The following TET3 variants were observed in gnomAD, a reference collection of about 807,000 sequenced individuals.
TET3 encodes the protein tet methylcytosine dioxygenase 3.
In TET3, 19 loss-of-function variants were observed where a neutral mutation model predicts 141.4. The observed-to-expected ratio is 0.13, with a 90% CI of 0.09 to 0.20. TET3 has a LOEUF of 0.20. Among genes scored for constraint, TET3 ranks in the 10% least tolerant of loss-of-function variants. The pLI, the probability that TET3 is intolerant of heterozygous loss-of-function variation, is 1.00. For synonymous variants in TET3, 1,043 were observed against 980.9 expected, an observed-to-expected ratio of 1.06 and a Z score of -1.18; for missense variants, 1,874 against 2,356.9, an observed-to-expected ratio of 0.80 and a Z score of 4.24.
downstream of TET3, among the ~76,000 whole-genome samples, chr2:74,112,139 C>G (rs542803881): frequency 3.9e-5 from 6 of 152,282 alleles, no homozygotes; most frequent in South Asian, 1.3e-3. Context: ...CCTCGATACT[C>G]CCCATTTGAT....
intron 4 of TET3, among the ~76,000 whole-genome samples, chr2:74,056,553 C>G (rs1439399174): frequency 6.6e-6 from 1 of 152,022 alleles, no homozygotes; most frequent in Non-Finnish European, 1.5e-5. Context: ...AAAAAAAGAA[C>G]CACCTTCACT....
chr2:73,988,909 T>A (rs1684178648), intron 2 of TET3, among the ~76,000 whole-genome samples: 1 of 145,634 alleles, frequency 6.9e-6, no homozygotes, highest in Non-Finnish European at 1.5e-5. Context: ...TAATAGAAAT[T>A]AGACCTTTTT....
the TET3 span, among the ~76,000 whole-genome samples, chr2:74,133,255 C>A: frequency 6.6e-6 from 1 of 152,094 alleles, no homozygotes; most frequent in Non-Finnish European, 1.5e-5. Context: ...AAGTGAGAGT[C>A]CCCCGTGTTC....
rs1025529920 is a variant in TET3 at position 74,102,009 on chromosome 2, G to A, written c.5221G>A (p.Gly1741Arg). The change falls in exon 12 of 12, where the codon GGG becomes AGG. Residue 1741 changes from glycine to arginine, a missense_variant. Around this residue, in one of 10 missense-constraint regions of TET3, gnomAD observed 113 missense variants for 114.3 expected, o/e 0.99. Transcript: ENST00000409262. ...GLGQQEAKLY[G>R]KKRKWGGTVV... ...GGGCCAGCAGGAGGCCAAGCTCTACGGGAAGAAGCGCAAGTGGGGGGGCAC... is the reference window on the plus strand; with the variant it reads ...GGGCCAGCAGGAGGCCAAGCTCTACAGGAAGAAGCGCAAGTGGGGGGGCAC... 21 of 1,587,178 alleles carry A rather than the reference G, an allele frequency of 1.3e-5. No individual in the cohort carries two copies. Among genetic ancestry groups the A allele is most frequent in the Non-Finnish European group, 1.6e-5 (19 of 1,164,658 alleles).
intron 5 of TET3, among the ~76,000 whole-genome samples, chr2:74,075,372 A>G (rs1357824087): frequency 8.4e-6 from 1 of 119,094 alleles, no homozygotes; most frequent in Non-Finnish European, 1.6e-5. Flanking sequence ...TCTGTCCTCC[A>G]GTCTGGAGTG....
intron 3 of TET3, among the ~76,000 whole-genome samples, chr2:74,044,868 A>G (rs1384706853): frequency 6.6e-6 from 1 of 152,222 alleles, no homozygotes; most frequent in African/African-American, 2.4e-5. Context: ...CCAAGTCAAG[A>G]TTAGGGATGA....
At chr2:74,123,597 C>G in the TET3 span, among the ~76,000 whole-genome samples, 1 of 152,186 alleles carries the variant, frequency 6.6e-6, no homozygotes, top group African/African-American at 2.4e-5. Context: ...GGCGTGATCT[C>G]GGCTCGCTAC....
At position 74,101,185 on chromosome 2, in the gene TET3, C is replaced by T. The variant is rs373217289; in HGVS notation, c.4397C>T (p.Ala1466Val). 8.7e-6 allele frequency: 14 copies of T among 1,613,638 alleles called. No homozygotes were observed. In the African/African-American group the frequency reaches 1.7e-4, roughly 20 times the overall value. ...GTGTTCTCGTCTGGGGAGAGTCCTG[C>T]CATCGTCCCTGACAAGCTCAGTTCC... ...WGVFSSGESPAIVPDKLSSFG... is the reference protein window; with the variant it reads ...WGVFSSGESPVIVPDKLSSFG... Residue 1466 changes from alanine (A) to valine (V), a missense_variant, in exon 12 of 12, where the codon GCC becomes GTC. Coordinates refer to ENST00000409262, the MANE Select transcript of TET3 (RefSeq NM_001287491.2). The surrounding 1 kb of genome is among the most constrained non-coding windows in gnomAD (Gnocchi z 8.5).
At chr2:73,984,762 C>A (rs548101937), upstream of TET3, among the ~76,000 whole-genome samples, 2,816 of 149,900 alleles carry the variant, frequency 0.019, 99 homozygotes, top group African/African-American at 0.065. This position sits in a 1 kb window ranked among gnomAD's most constrained non-coding sequence, Gnocchi z 5.6. Context: ...GGCCGCCCAC[C>A]CGACCCCTCC....
chr2:74,000,913 C>A (rs1019530719), intron 2 of TET3, among the ~76,000 whole-genome samples: 1 of 152,110 alleles, frequency 6.6e-6, no homozygotes, highest in Non-Finnish European at 1.5e-5. Context: ...CTGCAGCAAC[C>A]GTACTAGTTG....
rs549221024 is a variant in TET3 at position 74,106,721 on chromosome 2, G to C, written c.*4545G>C. ...AAAACTCACCAGGAAGCTCCATTTT[G>C]TGTCATCCACTGTCACAATAATTTT... On this transcript the variant is annotated 3_prime_UTR_variant, in exon 12 of 12. Transcript: ENST00000409262. The C allele has an allele frequency of 3.1e-4, 47 of 153,850 alleles. No homozygotes were observed. The highest frequency in any genetic ancestry group is 1.1e-3 in the African/African-American group (47 of 41,556). 9.5% of individuals were successfully genotyped at this position (153,850 alleles called of 1,614,324 possible).
the TET3 span, among the ~76,000 whole-genome samples, chr2:74,118,579 T>A: frequency 1.3e-5 from 2 of 152,304 alleles, no homozygotes; most frequent in African/African-American, 4.8e-5. Context: ...AGTAGCCTAT[T>A]AGTAAAGTTT....
In TET3 at chr2:73,988,783, G is replaced by A. The variant is rs147740275; in HGVS notation, c.303+2077G>A. Among the ~76,000 whole-genome samples the A allele has an allele frequency of 1.9e-3, 288 of 152,202 alleles. 3 individuals carry two copies. The highest frequency in any genetic ancestry group is 6.7e-3 in the African/African-American group (279 of 41,530). On this transcript the variant is annotated intron_variant, in intron 2 of 11. Transcript: ENST00000409262. ...AGGGGACAGTGGAATGAGTTTTTTCGTAAAGCTAACTTTCTGTGACTCAAA... is the reference window on the plus strand; with the variant it reads ...AGGGGACAGTGGAATGAGTTTTTTCATAAAGCTAACTTTCTGTGACTCAAA...
intron 4 of TET3, among the ~76,000 whole-genome samples, chr2:74,066,470 G>A (rs1236444636): frequency 6.6e-6 from 1 of 152,108 alleles, no homozygotes; most frequent in African/African-American, 2.4e-5. Flanking sequence ...ACATATATGA[G>A]GATAATTAAA....
intron 6 of TET3, among the ~76,000 whole-genome samples, chr2:74,083,754 G>A (rs78232936): frequency 6.6e-6 from 1 of 152,174 alleles, no homozygotes; most frequent in African/African-American, 2.4e-5. Flanking sequence ...CTGTCTGCTT[G>A]TGTCTAATGA....
At chr2:74,073,856 T>C in intron 5 of TET3, 1 of 442,258 alleles carries the variant, frequency 2.3e-6, no homozygotes, top group East Asian at 3.9e-5. Context: ...CCCCTGCTTC[T>C]CTCTGTCTTG....
intron 3 of TET3, among the ~76,000 whole-genome samples, chr2:74,027,692 T>C (rs1324583289): frequency 6.6e-6 from 1 of 152,240 alleles, no homozygotes; most frequent in Non-Finnish European, 1.5e-5. Flanking sequence ...CCTGTGTCAA[T>C]ACTTTATTCC....
At position 74,087,472 on chromosome 2, in the gene TET3, AG is replaced by A. The variant is rs967110135; in HGVS notation, c.2680-356del. Among the ~76,000 whole-genome samples, 4 of 152,228 alleles carry A rather than the reference AG, an allele frequency of 2.6e-5. No homozygotes were observed. The highest frequency in any genetic ancestry group is 9.6e-5 in the African/African-American group (4 of 41,466). ...GCAGCATTTTCTCTGCAAATGTTTT[AG>A]GATAACATAAAAATCTGACTGTATT... On this transcript the variant is annotated intron_variant, in intron 6 of 11. Transcript: ENST00000409262. This position sits in a 1 kb window ranked among gnomAD's most constrained non-coding sequence, Gnocchi z 4.3.
intron 2 of TET3, among the ~76,000 whole-genome samples, chr2:73,997,851 C>T (rs1359115123): frequency 6.6e-6 from 1 of 152,142 alleles, no homozygotes; most frequent in Non-Finnish European, 1.5e-5. Context: ...AGCATGGAAA[C>T]AAATAACTAC....
Sources: allele counts gnomAD v4.1 joint callset (sites outside exome capture counted in the v4.1 genomes callset), GRCh38; gene constraint gnomAD v4.1.1; regional missense constraint gnomAD v4.1.1; non-coding constraint Gnocchi (gnomAD v3.1); transcripts MANE v1.5; gene names NCBI Gene and HGNC (gene_info 2026-07-23, HGNC 2026-07-21).